Variants in SOX5 observed in about 807,000 individuals in gnomAD.
SOX5 encodes the protein transcription factor SOX-5.
Under a neutral mutation model 92.0 loss-of-function variants are expected in SOX5, and 9 were observed. That is an observed-to-expected ratio of 0.10 (90% CI 0.06 to 0.17). The LOEUF (loss-of-function observed/expected upper bound fraction) is 0.17, where lower values mean the gene tolerates loss of function less well. Ranked by LOEUF, SOX5 falls within the 10% of genes least tolerant of loss-of-function variation. The pLI is 1.00. For synonymous variants in SOX5, 344 were observed against 336.3 expected, an observed-to-expected ratio of 1.02 and a Z score of -0.25; for missense variants, 642 against 944.5, an observed-to-expected ratio of 0.68 and a Z score of 4.20.
chr12:24,289,466 T>C (rs1946347132), intron 2 of SOX5, among the ~76,000 whole-genome samples: 1 of 118,676 alleles, frequency 8.4e-6, no homozygotes, highest in Non-Finnish European at 1.6e-5. Context: ...TTTTTTTTTT[T>C]TTTTTGAGAC....
At chr12:24,263,057 A>T (rs2093028731) in intron 3 of SOX5, among the ~76,000 whole-genome samples, 1 of 67,620 alleles carries the variant, frequency 1.5e-5, no homozygotes, top group South Asian at 5.4e-4. Context: ...CCTTGTCTCT[A>T]CAAAAAAAAA....
intron 6 of SOX5, among the ~76,000 whole-genome samples, chr12:23,726,204 T>C (rs1487126915): frequency 1.4e-5 from 2 of 144,908 alleles, no homozygotes; most frequent in African/African-American, 5.1e-5. Context: ...GTAAGTTACA[T>C]GAAAATTTAC....
intron 2 of SOX5, among the ~76,000 whole-genome samples, chr12:24,360,482 G>A (rs906969610): frequency 1.3e-5 from 2 of 152,130 alleles, no homozygotes; most frequent in South Asian, 4.1e-4. Context: ...AGGGATCATG[G>A]CACTAGGTAA....
At chr12:23,732,135 T>C (rs1206340587) in intron 6 of SOX5, among the ~76,000 whole-genome samples, 1 of 152,264 alleles carries the variant, frequency 6.6e-6, no homozygotes, top group Admixed American at 6.5e-5. Flanking sequence ...TGATAGCAGA[T>C]TGTATATTTA....
At chr12:24,066,650 C>T (rs533163500) in intron 4 of SOX5, among the ~76,000 whole-genome samples, 83 of 152,256 alleles carry the variant, frequency 5.5e-4, no homozygotes, top group Admixed American at 5.4e-3. Context: ...TACATTTCTG[C>T]AGAAATTAAT....
At chr12:24,327,082 G>T (rs73064415) in intron 2 of SOX5, among the ~76,000 whole-genome samples, 8,723 of 152,210 alleles carry the variant, frequency 0.057, 347 homozygotes, top group Non-Finnish European at 0.086. Flanking sequence ...AAAAAAGAAT[G>T]AGTACTTTTG....
chr12:23,726,354 C>T (rs2093135507), intron 6 of SOX5, among the ~76,000 whole-genome samples: 1 of 152,086 alleles, frequency 6.6e-6, no homozygotes, highest in Admixed American at 6.6e-5. Flanking sequence ...ATTTTGTTAA[C>T]ATTCTGTTAA....
At chr12:24,388,150 C>A (rs1484082714) in intron 1 of SOX5, among the ~76,000 whole-genome samples, 1 of 152,048 alleles carries the variant, frequency 6.6e-6, no homozygotes, top group South Asian at 2.1e-4. Context: ...TTTGTCAGAC[C>A]CTCTTTCCAG....
At chr12:24,045,519 C>G (rs1956909320) in intron 4 of SOX5, among the ~76,000 whole-genome samples, 1 of 151,996 alleles carries the variant, frequency 6.6e-6, no homozygotes, top group Admixed American at 6.6e-5. Flanking sequence ...AGGCTGGTCT[C>G]AGACACCTGG....
intron 2 of SOX5, among the ~76,000 whole-genome samples, chr12:23,893,053 TTG>T (rs1159045130): frequency 1.4e-4 from 22 of 152,276 alleles, no homozygotes; most frequent in African/African-American, 4.8e-4. Context: ...GGAAAGAAGT[TTG>T]TGTCTTACTC....
chr12:24,003,518 T>A (rs1951830726), intron 4 of SOX5, among the ~76,000 whole-genome samples: 1 of 151,964 alleles, frequency 6.6e-6, no homozygotes, highest in South Asian at 2.1e-4. Context: ...TAGCAATGAA[T>A]AATATAAAAA....
intron 2 of SOX5, among the ~76,000 whole-genome samples, chr12:24,329,849 C>T (rs1430951042): frequency 1.3e-5 from 2 of 152,026 alleles, no homozygotes; most frequent in Admixed American, 1.3e-4. Context: ...ATGGTGAAAC[C>T]CCGTCTCTAC....
At chr12:23,943,208 G>C (rs1397914601) in intron 1 of SOX5, among the ~76,000 whole-genome samples, 8 of 151,594 alleles carry the variant, frequency 5.3e-5, no homozygotes, top group African/African-American at 1.9e-4. Flanking sequence ...CAGAATATCA[G>C]AGATACCCAC....
chr12:23,677,619 G>A (rs2085922022), intron 6 of SOX5, among the ~76,000 whole-genome samples: 1 of 152,090 alleles, frequency 6.6e-6, no homozygotes, highest in Admixed American at 6.6e-5. Flanking sequence ...ATCAATAGCT[G>A]CATCCTTAAA....
At chr12:24,552,291 C>A (rs543289973) in intron 1 of SOX5, among the ~76,000 whole-genome samples, 1 of 152,212 alleles carries the variant, frequency 6.6e-6, no homozygotes, top group Non-Finnish European at 1.5e-5. Context: ...GAGCATCTTA[C>A]TTAAATTCCA....
Position 24,505,771 on chromosome 12 carries a change from G to T in SOX5, c.-251+56558C>A, listed in dbSNP as rs552108493. 8.5e-5 allele frequency among the ~76,000 whole-genome samples: 13 copies of T among 152,178 alleles called. No individual in the cohort carries two copies. The South Asian group carries it at 1.5e-3, about 17-fold the overall frequency. On this transcript the variant is annotated intron_variant, in intron 1 of 4. Transcript: ENST00000446891. ...GTAAATCACTCTCCTAACAGCATAT[G>T]TCATGCTTCCTTGCTTAGGAGTTTA...
At chr12:24,169,790 T>G (rs1953862797) in intron 4 of SOX5, among the ~76,000 whole-genome samples, 2 of 152,210 alleles carry the variant, frequency 1.3e-5, no homozygotes, top group Non-Finnish European at 2.9e-5. Flanking sequence ...TTCTAGCCGT[T>G]TGTTTATAAA....
At chr12:24,372,894 G>A (rs1461141364) in intron 1 of SOX5, among the ~76,000 whole-genome samples, 1 of 148,768 alleles carries the variant, frequency 6.7e-6, no homozygotes, top group Non-Finnish European at 1.5e-5. Context: ...AAGGTGGGTC[G>A]CCTGAGCTCA....
At chr12:24,307,386 G>A (rs923105269) in intron 2 of SOX5, among the ~76,000 whole-genome samples, 1 of 151,804 alleles carries the variant, frequency 6.6e-6, no homozygotes, top group African/African-American at 2.4e-5. Flanking sequence ...CAATAAATGG[G>A]CCAAATGGAA....
Sources: gnomAD v4.1 joint callset for allele counts (sites outside exome capture counted in the v4.1 genomes callset) on GRCh38, gnomAD v4.1.1 for gene constraint, MANE v1.5 for transcripts, NCBI Gene and HGNC (gene_info 2026-07-23, HGNC 2026-07-21) for gene names.